ADGRL2: variants seen among roughly 807,000 people sequenced by gnomAD.
ADGRL2 encodes calcium-independent alpha-latrotoxin receptor 2.
Under a neutral mutation model 157.4 loss-of-function variants are expected in ADGRL2, and 44 were observed. That is an observed-to-expected ratio of 0.28 (90% CI 0.22 to 0.36). The LOEUF is 0.36. ADGRL2 is among the 10% of genes least tolerant of loss of function. ADGRL2 has a pLI of 1.00. For synonymous variants in ADGRL2, 585 were observed against 624.7 expected (o/e 0.94, Z 0.95); for missense variants, 1,510 against 1,768.9 (o/e 0.85, Z 2.63).
intron 1 of ADGRL2, among the ~76,000 whole-genome samples, chr1:81,802,114 C>T (rs1472728595): frequency 6.7e-6 from 1 of 150,192 alleles, no homozygotes; most frequent in Non-Finnish European, 1.5e-5. Flanking sequence ...CGGCCGAGGA[C>T]CCGCTCGCGG....
intron 2 of ADGRL2, among the ~76,000 whole-genome samples, chr1:81,578,199 T>A (rs769823835): frequency 5.3e-5 from 8 of 152,218 alleles, no homozygotes; most frequent in Admixed American, 1.3e-4. Flanking sequence ...CACTCTTATC[T>A]CACAGGTAAT....
At chr1:81,780,962 T>C (rs2086788492) in intron 2 of ADGRL2, among the ~76,000 whole-genome samples, 1 of 152,226 alleles carries the variant, frequency 6.6e-6, no homozygotes, top group African/African-American at 2.4e-5. Context: ...ACCTTTCTGA[T>C]TTTAGTTTTC....
rs572098698 is a variant in ADGRL2 at position 81,661,796 on chromosome 1, A to T, written c.-143+80816A>T. Among the ~76,000 whole-genome samples, 67 of 152,302 alleles carry T rather than the reference A, an allele frequency of 4.4e-4. 1 individual carries two copies. The highest frequency in any genetic ancestry group is 1.5e-3 in the African/African-American group (61 of 41,562). ...TTTGACAATAAATCATAGGGTCACC[A>T]TATGATTATGGTATTCACCATATTC... On this transcript the variant is annotated intron_variant, in intron 3 of 24. Transcript: ENST00000370721.
At chr1:81,935,660 T>C (rs972494445) in intron 3 of ADGRL2, among the ~76,000 whole-genome samples, 1 of 151,990 alleles carries the variant, frequency 6.6e-6, no homozygotes, top group Non-Finnish European at 1.5e-5. Flanking sequence ...ATAAATGTTA[T>C]AATGTTCTTG....
At chr1:81,640,657 A>AAAT (rs1235298441) in intron 3 of ADGRL2, among the ~76,000 whole-genome samples, 3 of 151,012 alleles carry the variant, frequency 2.0e-5, no homozygotes, top group African/African-American at 4.9e-5. Flanking sequence ...ATAAATAAAT[A>AAAT]AATAAATAAA....
intron 2 of ADGRL2, among the ~76,000 whole-genome samples, chr1:81,862,131 T>C (rs2093409963): frequency 6.6e-6 from 1 of 152,104 alleles, no homozygotes; most frequent in Admixed American, 6.6e-5. Context: ...AATAGAAAAT[T>C]AATATGGTAA....
chr1:81,591,756 G>T (rs1017498256), intron 3 of ADGRL2, among the ~76,000 whole-genome samples: 1 of 152,124 alleles, frequency 6.6e-6, no homozygotes, highest in African/African-American at 2.4e-5. Context: ...CAATTAATCT[G>T]CCCTATTGGA....
At chr1:81,598,120 T>C (rs950504456) in intron 3 of ADGRL2, among the ~76,000 whole-genome samples, 2 of 152,186 alleles carry the variant, frequency 1.3e-5, no homozygotes, top group Admixed American at 6.5e-5. Flanking sequence ...CAGAAAAAAG[T>C]CCTCACTCCC....
chr1:81,323,929 A>C (rs1660705937), intron 1 of ADGRL2, among the ~76,000 whole-genome samples: 1 of 152,196 alleles, frequency 6.6e-6, no homozygotes, highest in Admixed American at 6.5e-5. Flanking sequence ...GAATGTTGTG[A>C]GAAGAAAATG....
intron 3 of ADGRL2, 96 bp downstream of exon 3, chr1:81,907,326 C>G: frequency 2.0e-6 from 2 of 983,638 alleles, no homozygotes; most frequent in Non-Finnish European, 1.6e-6. Context: ...TAGACCACAT[C>G]CCAGCCTATT....
At chr1:81,318,690 A>T (rs1177962481) in intron 1 of ADGRL2, among the ~76,000 whole-genome samples, 1 of 152,124 alleles carries the variant, frequency 6.6e-6, no homozygotes, top group Admixed American at 6.5e-5. Context: ...ATACCTAATA[A>T]TATTTCTATA....
intron 4 of ADGRL2, among the ~76,000 whole-genome samples, chr1:81,938,766 A>C (rs1322123649): frequency 6.6e-6 from 1 of 151,042 alleles, no homozygotes; most frequent in Non-Finnish European, 1.5e-5. Flanking sequence ...ATTAAAATAC[A>C]ATGCAAAGAG....
intron 1 of ADGRL2, among the ~76,000 whole-genome samples, chr1:81,438,326 G>C (rs2077446117): frequency 6.6e-6 from 1 of 152,052 alleles, no homozygotes; most frequent in Admixed American, 6.6e-5. Context: ...TAAATAAATT[G>C]CATAAATTTA....
chr1:81,324,521 A>G (rs1412250003), intron 1 of ADGRL2, among the ~76,000 whole-genome samples: 1 of 149,350 alleles, frequency 6.7e-6, no homozygotes, highest in Non-Finnish European at 1.5e-5. Flanking sequence ...AAAAAAAAAA[A>G]TCTATCTATA....
At chr1:81,728,450 A>G in intron 1 of ADGRL2, among the ~76,000 whole-genome samples, 1 of 152,264 alleles carries the variant, frequency 6.6e-6, no homozygotes, top group East Asian at 1.9e-4. Flanking sequence ...ATCACCAAAT[A>G]GAGAAACCTA....
chr1:81,400,807 G>A (rs1454484078), intron 1 of ADGRL2, among the ~76,000 whole-genome samples: 1 of 152,080 alleles, frequency 6.6e-6, no homozygotes, highest in African/African-American at 2.4e-5. Context: ...TTCAGACTCT[G>A]GGAAGCGGGT....
intron 3 of ADGRL2, among the ~76,000 whole-genome samples, chr1:81,613,027 A>G (rs2081574408): frequency 6.6e-6 from 1 of 152,198 alleles, no homozygotes; most frequent in Non-Finnish European, 1.5e-5. Flanking sequence ...GACTGCATAA[A>G]TAGGGAAGAG....
At chr1:81,901,991 A>G (rs1048481264) in intron 2 of ADGRL2, among the ~76,000 whole-genome samples, 1 of 152,166 alleles carries the variant, frequency 6.6e-6, no homozygotes, top group Non-Finnish European at 1.5e-5. Context: ...GTTGGGCTAC[A>G]GCTTGGTTTT....
At chr1:81,739,080 T>C (rs1292505644) in intron 1 of ADGRL2, among the ~76,000 whole-genome samples, 1 of 152,182 alleles carries the variant, frequency 6.6e-6, no homozygotes, top group East Asian at 1.9e-4. Context: ...AGGCACTCTA[T>C]TCAGTATGAA....
Sources: gnomAD v4.1 joint callset for allele counts (sites outside exome capture counted in the v4.1 genomes callset) on GRCh38, gnomAD v4.1.1 for gene constraint, MANE v1.5 for transcripts, NCBI Gene and HGNC (gene_info 2026-07-23, HGNC 2026-07-21) for gene names.